Variants in ARHGAP42 observed in about 807,000 individuals in gnomAD.
ARHGAP42 encodes Rho GTPase activating protein 42.
ARHGAP42 carries 63 observed loss-of-function variants against 125.0 expected under a neutral mutation model. The observed-to-expected ratio is 0.50, with a 90% CI of 0.41 to 0.62. ARHGAP42 has a LOEUF of 0.62. ARHGAP42 is among the 20% of genes least tolerant of loss of function. ARHGAP42 has a pLI of 0.00. For synonymous variants in ARHGAP42, 339 were observed against 351.0 expected (o/e 0.97, Z 0.38); for missense variants, 766 against 1,024.2 (o/e 0.75, Z 3.44).
chr11:100,687,618 T>TGCCCCCGCCC lies in ARHGAP42; in HGVS notation c.-60_-51dup. The stretch of plus-strand genomic sequence containing the variant: ...CCCAGCGCCCGCCGCGGCCGCCGGC[T>TGCCCCCGCCC]GCCCCCGCCCTGACCTCCGGCCCGG... On this transcript the variant is annotated 5_prime_UTR_variant, in exon 1 of 24. Coordinates refer to ENST00000298815, the MANE Select transcript of ARHGAP42 (RefSeq NM_152432.4). 8.3e-7 allele frequency: 1 copy of TGCCCCCGCCC among 1,206,638 alleles called. No homozygotes were observed. Among genetic ancestry groups the TGCCCCCGCCC allele is most frequent in the Non-Finnish European group, 1.0e-6 (1 of 966,804 alleles). 74.7% of individuals were successfully genotyped at this position (1,206,638 alleles called of 1,614,324 possible).
intron 1 of ARHGAP42, among the ~76,000 whole-genome samples, chr11:100,703,693 C>G (rs1861433788): frequency 6.6e-6 from 1 of 152,176 alleles, no homozygotes; most frequent in Admixed American, 6.5e-5. Context: ...AATGAACAGA[C>G]AGTATAGATT....
intron 4 of ARHGAP42, among the ~76,000 whole-genome samples, chr11:100,883,797 G>T (rs1007845225): frequency 6.6e-6 from 1 of 152,190 alleles, no homozygotes; most frequent in African/African-American, 2.4e-5. Flanking sequence ...CAGATTTAGT[G>T]CTTTGGGTCC....
chr11:100,957,489 A>G (rs940935816), intron 12 of ARHGAP42, among the ~76,000 whole-genome samples: 2 of 152,102 alleles, frequency 1.3e-5, no homozygotes, highest in African/African-American at 4.8e-5. Context: ...CAGTGATACT[A>G]GAGCTGAGAA....
At chr11:100,958,267 ATC>A (rs142939184) in intron 12 of ARHGAP42, among the ~76,000 whole-genome samples, 22,600 of 151,914 alleles carry the variant, frequency 0.15, 1,930 homozygotes, top group East Asian at 0.25. Context: ...GAAGCAAGCA[ATC>A]TCTCTTTGGT....
intron 1 of ARHGAP42, among the ~76,000 whole-genome samples, chr11:100,701,829 T>G (rs1158401081): frequency 6.6e-6 from 1 of 152,246 alleles, no homozygotes; most frequent in Non-Finnish European, 1.5e-5. Context: ...GTAGCATTTT[T>G]TTTTTCTACC....
At chr11:100,813,312 G>C (rs1864190552) in intron 3 of ARHGAP42, among the ~76,000 whole-genome samples, 1 of 152,186 alleles carries the variant, frequency 6.6e-6, no homozygotes, top group Non-Finnish European at 1.5e-5. Context: ...GTGACAACCA[G>C]TGTCTCCAGA....
In ARHGAP42 at chr11:100,858,304, G is replaced by A. The variant is rs183417750; in HGVS notation, c.313-1250G>A. Among the ~76,000 whole-genome samples the A allele has an allele frequency of 3.9e-4, 59 of 152,218 alleles. 1 individual carries two copies. The highest frequency in any genetic ancestry group is 1.4e-3 in the African/African-American group (57 of 41,546). On this transcript the variant is annotated intron_variant, in intron 3 of 23. Coordinates refer to ENST00000298815, the MANE Select transcript of ARHGAP42 (RefSeq NM_152432.4). Reference sequence around the variant, plus strand: ...GTGATGGATGCCAGTGGTATCTCCAGTTGGCCCTCATTGTCTGAGACAAGA... The same window carrying A: ...GTGATGGATGCCAGTGGTATCTCCAATTGGCCCTCATTGTCTGAGACAAGA...
At chr11:100,943,443 G>A (rs150121452) in intron 9 of ARHGAP42, among the ~76,000 whole-genome samples, 1,711 of 151,992 alleles carry the variant, frequency 0.011, 33 homozygotes, top group African/African-American at 0.039. Flanking sequence ...AACTTCATAC[G>A]TTTTCTAAAT....
intron 4 of ARHGAP42, among the ~76,000 whole-genome samples, chr11:100,897,928 A>G (rs1360416588): frequency 6.6e-6 from 1 of 152,176 alleles, no homozygotes; most frequent in Non-Finnish European, 1.5e-5. Flanking sequence ...TGGTTTTCAA[A>G]GGGAATGTTT....
At chr11:100,864,777 A>C (rs1255165435) in intron 4 of ARHGAP42, among the ~76,000 whole-genome samples, 1 of 152,172 alleles carries the variant, frequency 6.6e-6, no homozygotes, top group Non-Finnish European at 1.5e-5. Flanking sequence ...GTTTAGTGTG[A>C]AATATCTTCG....
At position 100,973,325 on chromosome 11, in the gene ARHGAP42, C is replaced by G. The variant is rs1170309825; in HGVS notation, c.1701C>G (p.His567Gln). ...QNIVVEILIE[H>Q]YEKIFHTAPD... ...TTGTGGTAGAAATTCTGATAGAGCA[C>G]TATGAAAAGGTAGGCGGAATTTTCA... is the stretch of plus-strand genomic sequence containing the variant. Residue 567 changes from histidine to glutamine, a missense_variant, in exon 18 of 24, where the codon CAC (histidine) becomes CAG (glutamine). Transcript: ENST00000298815. 2 of 1,549,056 alleles carry G rather than the reference C, an allele frequency of 1.3e-6. No homozygotes were observed. The highest frequency in any genetic ancestry group is 1.7e-6 in the Non-Finnish European group (2 of 1,146,214).
intron 1 of ARHGAP42, among the ~76,000 whole-genome samples, chr11:100,737,115 G>T (rs1397696619): frequency 6.6e-6 from 1 of 152,228 alleles, no homozygotes; most frequent in Non-Finnish European, 1.5e-5. Flanking sequence ...AGTAGACATT[G>T]TTAGGATTCT....
At chr11:100,850,648 T>C (rs965118347) in intron 3 of ARHGAP42, among the ~76,000 whole-genome samples, 2 of 152,218 alleles carry the variant, frequency 1.3e-5, no homozygotes, top group African/African-American at 4.8e-5. Flanking sequence ...TATTAAAGCA[T>C]GTCTTTTAAA....
At chr11:100,926,492 C>CT (rs1169278228) in intron 6 of ARHGAP42, among the ~76,000 whole-genome samples, 3 of 152,106 alleles carry the variant, frequency 2.0e-5, no homozygotes, top group Non-Finnish European at 4.4e-5. Flanking sequence ...ATATTAATTC[C>CT]TTAAAATTAG....
At chr11:100,987,378 C>A in intron 22 of ARHGAP42, 135 bp from the exon 23 acceptor site, 1 of 687,368 alleles carries the variant, frequency 1.5e-6, no homozygotes, top group Non-Finnish European at 2.5e-6. Flanking sequence ...CACCGATGTA[C>A]ACTCATATAT....
intron 4 of ARHGAP42, among the ~76,000 whole-genome samples, chr11:100,884,061 A>G (rs1343618454): frequency 3.9e-5 from 6 of 152,214 alleles, no homozygotes; most frequent in Admixed American, 3.3e-4. Context: ...GACCGCACAC[A>G]GTGGATTTTC....
intron 7 of ARHGAP42, among the ~76,000 whole-genome samples, chr11:100,935,060 G>GA (rs1023704199): frequency 2.0e-4 from 30 of 148,218 alleles, no homozygotes; most frequent in Admixed American, 1.3e-4. Flanking sequence ...AGGAATTGGA[G>GA]AAAAAAAAAT....
intron 3 of ARHGAP42, among the ~76,000 whole-genome samples, chr11:100,845,417 T>C (rs1865041629): frequency 6.6e-6 from 1 of 152,074 alleles, no homozygotes; most frequent in Non-Finnish European, 1.5e-5. Flanking sequence ...GCTTGGGTGA[T>C]GGATGCACCA....
At chr11:100,899,675 G>T (rs56042422) in intron 4 of ARHGAP42, among the ~76,000 whole-genome samples, 24,609 of 92,454 alleles carry the variant, frequency 0.27, 2,248 homozygotes, top group East Asian at 0.57. Flanking sequence ...CCTGCTTTTT[G>T]TTTGTTTGTT....
Sources: allele counts gnomAD v4.1 joint callset (sites outside exome capture counted in the v4.1 genomes callset), GRCh38; gene constraint gnomAD v4.1.1; transcripts MANE v1.5; gene names NCBI Gene and HGNC (gene_info 2026-07-23, HGNC 2026-07-21).